Variants in USP14 observed in about 807,000 individuals in gnomAD.
USP14 encodes ubiquitin carboxyl-terminal hydrolase 14.
A neutral mutation model predicts 76.5 loss-of-function variants in USP14; 38 were observed. The observed-to-expected ratio is 0.50, with a 90% confidence interval of 0.38 to 0.65. The LOEUF (loss-of-function observed/expected upper bound fraction) is 0.65. Among genes scored for constraint, USP14 ranks in the 30% least tolerant of loss-of-function variants. USP14 has a pLI of 0.00. For synonymous variants in USP14, 192 were observed against 191.7 expected, an observed-to-expected ratio of 1.00 and a Z score of -0.01; for missense variants, 467 against 586.5, an observed-to-expected ratio of 0.80 and a Z score of 2.10.
chr18:184,935 A>G (rs918631293), intron 5 of USP14, among the ~76,000 whole-genome samples: 5 of 152,144 alleles, frequency 3.3e-5, no homozygotes, highest in African/African-American at 1.2e-4. Context: ...GCCGCCCAAC[A>G]GTGGAATCCC....
Position 180,292 on chromosome 18 carries a change from A to G in USP14, c.357A>G (p.Thr119=). 12 of 1,587,662 alleles carry G rather than the reference A, an allele frequency of 7.6e-6. No homozygotes were observed. The highest frequency in any genetic ancestry group is 1.0e-5 in the Non-Finnish European group (12 of 1,173,342). ...GTAACACTTGTTACATGAATGCCAC[A>G]GTTCAGTGTATTCGTTCTGTGCCTG... ...NLGNTCYMNA[T]VQCIRSVPEL... Residue 119 remains threonine, a synonymous_variant, in exon 5 of 16, where the codon ACA becomes ACG. Coordinates refer to ENST00000261601, the MANE Select transcript of USP14 (RefSeq NM_005151.4).
chr18:185,095 T>C lies in USP14; in HGVS notation c.404+4756T>C, dbSNP rs192926628. 1.1e-3 allele frequency among the ~76,000 whole-genome samples: 173 copies of C among 152,300 alleles called. 1 individual carries two copies. Among genetic ancestry groups the C allele is most frequent in the African/African-American group, 4.0e-3 (168 of 41,576 alleles). ...GTATTGGAGACTGGCAAGCCCCAGC[T>C]CTCAATATACACAGCGTTAACAGTT... On this transcript the variant is annotated intron_variant, in intron 5 of 15. Transcript: ENST00000261601.
chr18:207,782 C>T (rs1351763051), intron 13 of USP14, among the ~76,000 whole-genome samples: 2 of 152,152 alleles, frequency 1.3e-5, no homozygotes, highest in Admixed American at 6.5e-5. Flanking sequence ...TTTCAGTGTA[C>T]AAGCCTTGGA....
At chr18:163,515 C>A in intron 2 of USP14, 62 bp downstream of exon 2, 1 of 1,519,636 alleles carries the variant, frequency 6.6e-7, no homozygotes, top group East Asian at 2.3e-5. Context: ...AAAAATAACG[C>A]CAGAAAATTA....
At chr18:185,026 A>G (rs548643417) in intron 5 of USP14, among the ~76,000 whole-genome samples, 1 of 152,296 alleles carries the variant, frequency 6.6e-6, no homozygotes, top group South Asian at 2.1e-4. Context: ...CTAAAATTCT[A>G]TAAATTACTC....
At chr18:191,321 G>A (rs1478204855) in intron 5 of USP14, among the ~76,000 whole-genome samples, 1 of 152,040 alleles carries the variant, frequency 6.6e-6, no homozygotes, top group African/African-American at 2.4e-5. Flanking sequence ...AATGAAAAAG[G>A]GAAAAACAAA....
chr18:200,870 C>T (rs961808078), intron 10 of USP14, among the ~76,000 whole-genome samples: 3 of 152,206 alleles, frequency 2.0e-5, no homozygotes, highest in Admixed American at 1.3e-4. Context: ...GGCACAATCT[C>T]GGCTCACTGC....
chr18:182,153 A>G (rs1453494095), intron 5 of USP14, among the ~76,000 whole-genome samples: 2 of 152,244 alleles, frequency 1.3e-5, no homozygotes, highest in African/African-American at 4.8e-5. Context: ...TATGAAAGGA[A>G]AAGAGTAAAG....
chr18:158,747 C>T (rs745840454), intron 1 of USP14, 33 bp downstream of exon 1: 2 of 1,476,812 alleles, frequency 1.4e-6, no homozygotes, highest in Admixed American at 2.4e-5. Context: ...GCGCAGCACA[C>T]CGGACCGGCG....
intron 1 of USP14, among the ~76,000 whole-genome samples, chr18:161,348 C>T (rs774943013): frequency 3.5e-4 from 54 of 152,298 alleles, no homozygotes; most frequent in Non-Finnish European, 7.2e-4. Context: ...TTAGAACACA[C>T]CATGCTGCTT....
At chr18:160,573 T>A (rs187802823) in intron 1 of USP14, among the ~76,000 whole-genome samples, 1 of 152,322 alleles carries the variant, frequency 6.6e-6, no homozygotes, top group Non-Finnish European at 1.5e-5. Flanking sequence ...GTTTTGTACA[T>A]ATTGCTTTGT....
At chr18:190,014 C>T (rs1324984990) in intron 5 of USP14, among the ~76,000 whole-genome samples, 3 of 152,144 alleles carry the variant, frequency 2.0e-5, no homozygotes, top group African/African-American at 7.2e-5. Context: ...GTTTTGAACT[C>T]TATGAACAGA....
chr18:193,322 C>A, intron 6 of USP14, among the ~76,000 whole-genome samples: 1 of 152,004 alleles, frequency 6.6e-6, no homozygotes, highest in East Asian at 1.9e-4. Flanking sequence ...TTCTTCATTG[C>A]ATAAGAGAAT....
At chr18:194,728 T>C (rs1421113944) in intron 6 of USP14, among the ~76,000 whole-genome samples, 3 of 152,236 alleles carry the variant, frequency 2.0e-5, no homozygotes, top group African/African-American at 7.2e-5. Flanking sequence ...GCCAGGGGTT[T>C]GAGACCAGCC....
At chr18:176,160 A>C (rs550339371) in intron 3 of USP14, among the ~76,000 whole-genome samples, 164 of 145,290 alleles carry the variant, frequency 1.1e-3, no homozygotes, top group African/African-American at 2.0e-3. Context: ...GTGTCCCCCC[A>C]AAAAAAAAAC....
Position 213,710 on chromosome 18 carries a change from C to T in USP14, c.*2426C>T, listed in dbSNP as rs1448723592. On this transcript the variant is annotated 3_prime_UTR_variant, in exon 16 of 16. Transcript: ENST00000261601. ...TCAGGATTAAAAACGATGATGACCT[C>T]ATCTTAGAGCCCTAAAGGGAAATGC... 1 of 152,454 alleles carries T rather than the reference C, an allele frequency of 6.6e-6. No homozygotes were observed. The highest frequency in any genetic ancestry group is 1.5e-5 in the Non-Finnish European group (1 of 68,060). 9.4% of individuals were successfully genotyped at this position (152,454 alleles called of 1,614,324 possible).
chr18:164,285 G>C (rs12960837), intron 2 of USP14, among the ~76,000 whole-genome samples: 12,322 of 152,132 alleles, frequency 0.081, 873 homozygotes, highest in East Asian at 0.42. Flanking sequence ...GAACAATACA[G>C]ATAGGTTTGT....
chr18:184,103 A>G (rs1265005244), intron 5 of USP14, among the ~76,000 whole-genome samples: 2 of 152,126 alleles, frequency 1.3e-5, no homozygotes, highest in Non-Finnish European at 1.5e-5. Flanking sequence ...TTTTCCTGAA[A>G]CCAAAAGAAG....
chr18:196,908 C>T lies in USP14; in HGVS notation c.594+141C>T, dbSNP rs951180705. On this transcript the variant is annotated intron_variant, in intron 7 of 15. Transcript: ENST00000261601. Reference sequence around the variant, plus strand: ...CACGGCTGTCTCTTGCCTGGAGCCGCACAGTAGTCTTAACTGATATCTGGC... The same window carrying T: ...CACGGCTGTCTCTTGCCTGGAGCCGTACAGTAGTCTTAACTGATATCTGGC... 5.6e-6 allele frequency: 6 copies of T among 1,064,332 alleles called. No homozygotes were observed. In the East Asian group the frequency reaches 1.3e-4, roughly 22 times the overall value. 65.9% of individuals were successfully genotyped at this position (1,064,332 alleles called of 1,614,324 possible). A position where few individuals can be genotyped will look rare whatever the true frequency, so the allele number is the denominator to read the frequency against.
Sources: gnomAD v4.1 joint callset for allele counts (sites outside exome capture counted in the v4.1 genomes callset) on GRCh38, gnomAD v4.1.1 for gene constraint, MANE v1.5 for transcripts, NCBI Gene and HGNC (gene_info 2026-07-23, HGNC 2026-07-21) for gene names.